The following CCDC141 variants were observed in gnomAD, a reference collection of about 807,000 sequenced individuals.
CCDC141 encodes the protein coiled-coil domain containing 141.
Under a neutral mutation model 181.0 loss-of-function variants are expected in CCDC141, and 168 were observed. That is an observed-to-expected ratio of 0.93 (90% CI 0.82 to 1.05). CCDC141 has a LOEUF of 1.05. Among genes scored for constraint, CCDC141 ranks in the 50% least tolerant of loss-of-function variants. CCDC141 has a pLI of 0.00. For synonymous variants in CCDC141, 666 were observed against 642.3 expected (o/e 1.04, Z -0.56); for missense variants, 1,902 against 1,788.5 (o/e 1.06, Z -1.14).
chr2:178,893,042 C>T (rs560927818), intron 8 of CCDC141, among the ~76,000 whole-genome samples: 1 of 152,174 alleles, frequency 6.6e-6, no homozygotes, highest in South Asian at 2.1e-4. Flanking sequence ...TTAGAGGATG[C>T]CTGTCTGTAG....
chr2:179,041,483 G>A (rs911870183), intron 2 of CCDC141, among the ~76,000 whole-genome samples: 2 of 122,310 alleles, frequency 1.6e-5, no homozygotes, highest in African/African-American at 3.0e-5. Context: ...TAATCGGGTT[G>A]GTTGTGGGTT....
chr2:179,033,617 T>C (rs2043058882), intron 2 of CCDC141, among the ~76,000 whole-genome samples: 1 of 152,190 alleles, frequency 6.6e-6, no homozygotes, highest in African/African-American at 2.4e-5. Context: ...ATCTCTGTCA[T>C]TTTCATTTAT....
chr2:178,966,968 A>C (rs1690668144), intron 4 of CCDC141, among the ~76,000 whole-genome samples: 2 of 151,928 alleles, frequency 1.3e-5, no homozygotes, highest in Admixed American at 1.3e-4. Flanking sequence ...ACAAGTTTCA[A>C]TAGCTGAATC....
At chr2:178,988,747 C>T (rs546277534) in intron 2 of CCDC141, among the ~76,000 whole-genome samples, 2 of 152,094 alleles carry the variant, frequency 1.3e-5, no homozygotes, top group Non-Finnish European at 2.9e-5. Flanking sequence ...CACTTCTAAA[C>T]TTCAAAACTT....
intron 17 of CCDC141, among the ~76,000 whole-genome samples, chr2:178,862,568 T>G (rs1685667929): frequency 6.6e-6 from 1 of 152,164 alleles, no homozygotes; most frequent in Non-Finnish European, 1.5e-5. Context: ...ATTTATATAG[T>G]CAGGCAAGAA....
intron 2 of CCDC141, among the ~76,000 whole-genome samples, chr2:178,979,539 C>T (rs1233472142): frequency 1.3e-5 from 2 of 151,982 alleles, no homozygotes. Flanking sequence ...AAGACAAACA[C>T]TATCAGAGTG....
intron 23 of CCDC141, among the ~76,000 whole-genome samples, chr2:178,835,566 G>A (rs1272556256): frequency 6.6e-6 from 1 of 152,152 alleles, no homozygotes; most frequent in African/African-American, 2.4e-5. Flanking sequence ...TCCTAAGAAT[G>A]TATGATATCC....
intron 17 of CCDC141, among the ~76,000 whole-genome samples, chr2:178,861,063 A>G (rs1423341270): frequency 6.6e-6 from 1 of 152,070 alleles, no homozygotes. Flanking sequence ...TACACATACC[A>G]TCCAGATGGA....
Position 178,845,839 on chromosome 2 carries a change from C to A in CCDC141, c.3358-97G>T. 6 of 755,794 alleles carry A rather than the reference C, an allele frequency of 7.9e-6. No individual in the cohort carries two copies. The East Asian group carries it at 1.5e-4, about 19-fold the overall frequency. The allele number at this position is 755,794 out of a possible 1,614,324, so 46.8% of individuals were successfully genotyped here. On this transcript the variant is annotated intron_variant, in intron 21 of 23. Coordinates refer to ENST00000443758, the MANE Select transcript of CCDC141 (RefSeq NM_173648.4). ...GGAAGAAAACATAGACCACTTGCAA[C>A]CTTTCAGCAAATATATTCCACAAGA...
intron 20 of CCDC141, among the ~76,000 whole-genome samples, chr2:178,852,523 T>C (rs1353315762): frequency 6.6e-6 from 1 of 152,232 alleles, no homozygotes; most frequent in Non-Finnish European, 1.5e-5. Flanking sequence ...ATTATTTTTA[T>C]GTTTCTATCC....
rs1287540803 is a variant in CCDC141, at chr2:178,878,594, C to T, written c.1720-451G>A. On this transcript the variant is annotated intron_variant, in intron 11 of 23. Transcript: ENST00000443758. ...TTGGCCTGTCAAAGTGCTGGGATTA[C>T]GGGCATGAGCTGCCAACCCCAGCCC... Among the ~76,000 whole-genome samples the T allele has an allele frequency of 7.3e-5, 11 of 150,318 alleles. No individual in the cohort carries two copies. In the East Asian group the frequency reaches 1.6e-3, roughly 22 times the overall value.
At chr2:179,016,564 T>C (rs2042548599) in intron 2 of CCDC141, among the ~76,000 whole-genome samples, 1 of 152,098 alleles carries the variant, frequency 6.6e-6, no homozygotes, top group Non-Finnish European at 1.5e-5. Flanking sequence ...AGTCACGTCA[T>C]AATCATAGTT....
At chr2:178,994,151 C>T (rs1692178659) in intron 2 of CCDC141, among the ~76,000 whole-genome samples, 1 of 152,184 alleles carries the variant, frequency 6.6e-6, no homozygotes, top group Non-Finnish European at 1.5e-5. Context: ...AGGCAATGTC[C>T]CAGTAGGTAT....
At chr2:178,941,593 G>A (rs146351184) in intron 6 of CCDC141, among the ~76,000 whole-genome samples, 19 of 151,896 alleles carry the variant, frequency 1.3e-4, no homozygotes, top group African/African-American at 4.1e-4. Context: ...ATCTTACATT[G>A]GAAAGAATGC....
chr2:179,034,545 T>TTA (rs1191366235), intron 2 of CCDC141, among the ~76,000 whole-genome samples: 2 of 152,210 alleles, frequency 1.3e-5, no homozygotes, highest in Admixed American at 1.3e-4. Flanking sequence ...AAAAGCATCT[T>TTA]TATATCAATA....
chr2:178,890,984 A>G (rs1029470393), intron 8 of CCDC141, among the ~76,000 whole-genome samples: 16 of 152,182 alleles, frequency 1.1e-4, no homozygotes, highest in Non-Finnish European at 2.1e-4. Flanking sequence ...TTTTTAGCCA[A>G]TGAAACTGAG....
At chr2:178,991,599 G>T (rs58731071) in intron 2 of CCDC141, among the ~76,000 whole-genome samples, 1 of 152,056 alleles carries the variant, frequency 6.6e-6, no homozygotes, top group Non-Finnish European at 1.5e-5. Flanking sequence ...CAGTTAGATT[G>T]AAGGAATAAG....
rs1377931497 is a variant in CCDC141, at chr2:178,885,009, G to A, written c.1611C>T (p.Ser537=). 2 of 1,550,340 alleles carry A rather than the reference G, an allele frequency of 1.3e-6. No homozygotes were observed. The highest frequency in any genetic ancestry group is 2.4e-5 in the East Asian group (1 of 40,924). Residue 537 remains serine, a synonymous_variant, in exon 11 of 24, where the codon TCC becomes TCT. Transcript: ENST00000443758. ...EFVSDEMVSL[S]SKARWLAEEL... is the part of the protein sequence containing the mutation. The stretch of plus-strand genomic sequence containing the variant: ...CTTCTGCTAGCCATCTAGCTTTAGA[G>A]GAAAGTGATACCATTTCATCAGATA...
chr2:178,991,114 C>T (rs1692034665), intron 2 of CCDC141, among the ~76,000 whole-genome samples: 1 of 152,158 alleles, frequency 6.6e-6, no homozygotes, highest in South Asian at 2.1e-4. Flanking sequence ...TTGCCCACGA[C>T]TGTCACTTGC....
Sources: allele counts gnomAD v4.1 joint callset (sites outside exome capture counted in the v4.1 genomes callset), GRCh38; gene constraint gnomAD v4.1.1; transcripts MANE v1.5; gene names NCBI Gene and HGNC (gene_info 2026-07-23, HGNC 2026-07-21).